Variants in IFNL3 observed in about 807,000 individuals in gnomAD.
IFNL3 encodes the protein interferon lambda 3, also known as interferon lambda-3.
IFNL3 carries 16 observed loss-of-function variants against 16.3 expected under a neutral mutation model. That is an observed-to-expected ratio of 0.98 (90% CI 0.67 to 1.50). IFNL3 has a LOEUF of 1.50. IFNL3 is among the 40% of genes most tolerant of loss of function. IFNL3 has a pLI of 0.00. For missense variants in IFNL3, 254 were observed against 253.5 expected, an observed-to-expected ratio of 1.00 and a Z score of -0.01; for synonymous variants, 115 against 115.3, an observed-to-expected ratio of 1.00 and a Z score of 0.02.
intron 1 of IFNL3, 82 bp from the exon 2 acceptor site, chr19:39,244,576 A>T (rs1292973596): frequency 2.7e-6 from 4 of 1,486,992 alleles, no homozygotes; most frequent in Non-Finnish European, 2.8e-6. Flanking sequence ...ATGGCTGACA[A>T]CAGGATAGGG....
At chr19:39,245,206 T>A, upstream of IFNL3, 1 of 781,082 alleles carries the variant, frequency 1.3e-6, no homozygotes, top group Non-Finnish European at 2.1e-6. Context: ...GTCCTGGCTT[T>A]GACTCTTTCT....
Position 39,244,914 on chromosome 19 carries a change from C to G in IFNL3, c.54G>C (p.Val18=). ...VLVLMAAVLT[V]TGAVPVARLR... Reference sequence around the variant, plus strand: ...GCCTGGCGACAGGAACTGCTCCAGTCACGGTCAGCACTGCGGCCATCAGCA... The same window carrying G: ...GCCTGGCGACAGGAACTGCTCCAGTGACGGTCAGCACTGCGGCCATCAGCA... The change falls in exon 1 of 5, where the codon GTG becomes GTC. Residue 18 remains valine, a synonymous_variant. Coordinates refer to ENST00000413851, the MANE Select transcript of IFNL3 (RefSeq NM_172139.4). 1.9e-6 allele frequency: 3 copies of G among 1,614,000 alleles called. No individual in the cohort carries two copies. The highest frequency in any genetic ancestry group is 2.5e-6 in the Non-Finnish European group (3 of 1,179,874).
In IFNL3 at chr19:39,243,668, G is replaced by A. The variant is rs753011204; in HGVS notation, c.555C>T (p.Asp185=). 3 of 1,605,536 alleles carry A rather than the reference G, an allele frequency of 1.9e-6. No individual in the cohort carries two copies. Among genetic ancestry groups the A allele is most frequent in the Non-Finnish European group, 2.6e-6 (3 of 1,176,174 alleles). ...TFNLFRLLTR[D]LNCVASGDLC... is the part of the protein sequence containing the mutation. ...GGTCCCCGCTGGCAACACAATTCAG[G>A]TCTCGCGTGAGGAGGCGGAAGAGGT... Residue 185 remains aspartate (D), a synonymous_variant, in exon 5 of 5, where the codon GAC becomes GAT. Coordinates refer to ENST00000413851, the MANE Select transcript of IFNL3 (RefSeq NM_172139.4).
Position 39,244,771 on chromosome 19 carries a change from G to A in IFNL3, c.180+17C>T, listed in dbSNP as rs201252721. ...GGTGGAGGCTAGTCCATGGCAGGAG[G>A]GCAGGGGGAGACTCACTAAGGCATC... is the stretch of plus-strand genomic sequence containing the variant. On this transcript the variant is annotated intron_variant, in intron 1 of 4. Transcript: ENST00000413851. 86 of 1,606,916 alleles carry A rather than the reference G, an allele frequency of 5.4e-5. No homozygotes were observed. In the East Asian group the frequency reaches 1.9e-3, roughly 36 times the overall value.
Position 39,243,877 on chromosome 19 carries a change from T to C in IFNL3, c.439A>G (p.Thr147Ala), listed in dbSNP as rs1600452468. The C allele has an allele frequency of 1.9e-6, 3 of 1,613,580 alleles. No individual in the cohort carries two copies. Among genetic ancestry groups the C allele is most frequent in the Non-Finnish European group, 2.5e-6 (3 of 1,179,934 alleles). ...IQPQPTAGPR[T>A]RGRLHHWLHR... is the part of the protein sequence containing the mutation. ...AGCCAATGGTGGAGGCGGCCCCGGGTCCTGGGCCCTGCCGTGGGCTGAGGC... is the reference window on the plus strand; with the variant it reads ...AGCCAATGGTGGAGGCGGCCCCGGGCCCTGGGCCCTGCCGTGGGCTGAGGC... Residue 147 changes from threonine (T) to alanine (A), a missense_variant, in exon 4 of 5, where the codon ACC (threonine) becomes GCC (alanine). Thr to Ala is a moderately conservative substitution (Grantham distance 58). Coordinates refer to ENST00000413851, the MANE Select transcript of IFNL3 (RefSeq NM_172139.4).
Position 39,244,182 on chromosome 19 carries a change from G to A in IFNL3, c.259-25C>T, listed in dbSNP as rs540245209. The A allele has an allele frequency of 2.4e-5, 39 of 1,613,750 alleles. 1 individual carries two copies. The highest frequency in any genetic ancestry group is 1.3e-4 in the East Asian group (6 of 44,870). ...CCTGAGGAGAGGTGAGAAAGAGCAG[G>A]TGAGGGGGGAGGTGAGGGGAACAGG... On this transcript the variant is annotated intron_variant, in intron 2 of 4. Coordinates refer to ENST00000413851, the MANE Select transcript of IFNL3 (RefSeq NM_172139.4).
rs200889156 is a variant in IFNL3 at position 39,244,104 on chromosome 19, A to G, written c.312T>C (p.Val104=). The G allele has an allele frequency of 2.5e-4, 402 of 1,614,130 alleles. No homozygotes were observed. The highest frequency in any genetic ancestry group is 1.8e-3 in the East Asian group (80 of 44,864). ...GGTCAGTGTCAGCGGTGGCCTCCAG[A>G]ACCTTCAGCGTCAGGGCCAGCTCAG... ...LEAELALTLK[V]LEATADTDPA... Residue 104 remains valine (V), a synonymous_variant, in exon 3 of 5, where the codon GTT becomes GTC. Coordinates refer to ENST00000413851, the MANE Select transcript of IFNL3 (RefSeq NM_172139.4).
Position 39,243,846 on chromosome 19 carries a change from C to A in IFNL3, c.470G>T (p.Arg157Leu), listed in dbSNP as rs138525614. 1 of 1,613,866 alleles carries A rather than the reference C, an allele frequency of 6.2e-7. No homozygotes were observed. Among genetic ancestry groups the A allele is most frequent in the South Asian group, 1.1e-5 (1 of 91,056 alleles). The change falls in exon 4 of 5, where the codon CGG (arginine) becomes CTG (leucine). Residue 157 changes from arginine to leucine, a missense_variant. By Grantham distance (102) the Arg-to-Leu change is moderately radical (BLOSUM62 -2). Coordinates refer to ENST00000413851, the MANE Select transcript of IFNL3 (RefSeq NM_172139.4). ...TRGRLHHWLH[R>L]LQEAPKKESP... The stretch of plus-strand genomic sequence containing the variant: ...CACCTTTTTTGGGGCCTCCTGGAGC[C>A]GGTGCAGCCAATGGTGGAGGCGGCC...
In IFNL3 at chr19:39,244,885, C is replaced by T. The variant is rs629976; in HGVS notation, c.83G>A (p.Arg28His). Residue 28 changes from arginine (R) to histidine (H), a missense_variant, in exon 1 of 5, where the codon CGC becomes CAC. Physicochemically the swap from Arg to His is conservative, Grantham distance 29 (BLOSUM62 0). Transcript: ENST00000413851. ...GCCCCTTGCATCCGGGAGAGCCCCG[C>T]GGAGCCTGGCGACAGGAACTGCTCC... ...VTGAVPVARL[R>H]GALPDARGCH... The T allele has an allele frequency of 3.9e-4, 628 of 1,613,596 alleles. No homozygotes were observed. The highest frequency in any genetic ancestry group is 1.6e-3 in the Admixed American group (93 of 59,926).
chr19:39,244,663 G>A (rs2074935435), intron 1 of IFNL3, 125 bp downstream of exon 1: 1 of 1,373,918 alleles, frequency 7.3e-7, no homozygotes, highest in Non-Finnish European at 9.9e-7. Context: ...GTAGGAGCAT[G>A]AGATAGCCCA....
rs760921163 is a variant in IFNL3, at chr19:39,243,925, C to T, written c.409-18G>A. ...GGCTGGATCTGTGGGCAGAGGAGGG[C>T]GGTGTGTGAGCCGGGGCCTTGGCCA... On this transcript the variant is annotated intron_variant, in intron 3 of 4. Coordinates refer to ENST00000413851, the MANE Select transcript of IFNL3 (RefSeq NM_172139.4). The T allele has an allele frequency of 5.0e-5, 81 of 1,612,048 alleles. 1 individual carries two copies. The highest frequency in any genetic ancestry group is 5.0e-4 in the Admixed American group (30 of 59,768).
At chr19:39,243,929 G>A (rs1359623933) in intron 3 of IFNL3, 22 bp from the exon 4 acceptor site, 1 of 1,612,060 alleles carries the variant, frequency 6.2e-7, no homozygotes. Context: ...GGAGGGCGGT[G>A]TGTGAGCCGG....
In IFNL3 at chr19:39,244,798, T is replaced by C. The variant is rs199952257; in HGVS notation, c.170A>G (p.Lys57Arg). 3.7e-6 allele frequency: 6 copies of C among 1,612,812 alleles called. No homozygotes were observed. The highest frequency in any genetic ancestry group is 2.7e-5 in the African/African-American group (2 of 74,830). ...CAGGGGGAGACTCACTAAGGCATCT[T>C]TGGCCCTCTTAAAGGCCTGCAGCTC... ...PQELQAFKRA[K>R]DALEESLLLK... The change falls in exon 1 of 5, where the codon AAA (lysine) becomes AGA (arginine). Residue 57 changes from lysine (K) to arginine (R), a missense_variant. Coordinates refer to ENST00000413851, the MANE Select transcript of IFNL3 (RefSeq NM_172139.4).
chr19:39,244,842 G>C lies in IFNL3; in HGVS notation c.126C>G (p.Phe42Leu), dbSNP rs761756652. The part of the protein sequence containing the change: ...PDARGCHIAQ[F>L]KSLSPQELQA... Reference sequence around the variant, plus strand: ...GCAGCTCCTGTGGAGACAGGGACTTGAACTGGGCTATGTGGCAGCCCCTTG... The same window carrying C: ...GCAGCTCCTGTGGAGACAGGGACTTCAACTGGGCTATGTGGCAGCCCCTTG... The change falls in exon 1 of 5, where the codon TTC (phenylalanine) becomes TTG (leucine). Residue 42 changes from phenylalanine to leucine, a missense_variant. By Grantham distance (22) the Phe-to-Leu change is conservative. Transcript: ENST00000413851. The C allele has an allele frequency of 6.2e-7, 1 of 1,613,964 alleles. No individual in the cohort carries two copies. The highest frequency in any genetic ancestry group is 8.5e-7 in the Non-Finnish European group (1 of 1,179,856).
At chr19:39,243,960 C>T (rs779348086) in intron 3 of IFNL3, 48 bp downstream of exon 3, 45 of 1,611,702 alleles carry the variant, frequency 2.8e-5, no homozygotes, top group South Asian at 7.7e-5. Context: ...AGGGGAAGGA[C>T]GCTGCTCAGA....
chr19:39,244,393 G>A (rs1402139433), intron 2 of IFNL3, 24 bp downstream of exon 2: 1 of 1,607,952 alleles, frequency 6.2e-7, no homozygotes, highest in Non-Finnish European at 8.5e-7. Context: ...GGAGGGCAGG[G>A]GTGGGCCTGA....
In IFNL3 at chr19:39,243,913, G is replaced by A. The variant is rs1472362676; in HGVS notation, c.409-6C>T. ...GCCGTGGGCTGAGGCTGGATCTGTG[G>A]GCAGAGGAGGGCGGTGTGTGAGCCG... On this transcript the variant is annotated splice_polypyrimidine_tract_variant and splice_region_variant and intron_variant, in intron 3 of 4. Transcript: ENST00000413851. 7 of 1,612,802 alleles carry A rather than the reference G, an allele frequency of 4.3e-6. No homozygotes were observed. The highest frequency in any genetic ancestry group is 1.7e-5 in the Admixed American group (1 of 59,866).
At position 39,243,621 on chromosome 19, in the gene IFNL3, T is replaced by G; in HGVS notation, c.*11A>C. On this transcript the variant is annotated 3_prime_UTR_variant, in exon 5 of 5. Transcript: ENST00000413851. ...TAAATAAAATCTCAGGTTGCATGAC[T>G]GGCGGAAGGGTCAGACACACAGGTC... 2 of 1,577,078 alleles carry G rather than the reference T, an allele frequency of 1.3e-6. No individual in the cohort carries two copies. The highest frequency in any genetic ancestry group is 1.7e-6 in the Non-Finnish European group (2 of 1,161,004).
chr19:39,244,628 A>G, intron 1 of IFNL3, 134 bp from the exon 2 acceptor site: 1 of 1,370,790 alleles, frequency 7.3e-7, no homozygotes. Flanking sequence ...CCTCTTCTTC[A>G]GGAAAACATG....
Sources: gnomAD v4.1 joint callset for allele counts on GRCh38, gnomAD v4.1.1 for gene constraint, MANE v1.5 for transcripts, NCBI Gene and HGNC (gene_info 2026-07-23, HGNC 2026-07-21) for gene names.